The following PHACTR3 variants were observed in gnomAD, a reference collection of about 807,000 sequenced individuals.
PHACTR3 encodes the protein protein phosphatase 1, regulatory subunit 123.
In PHACTR3, 16 loss-of-function variants were observed where a neutral mutation model predicts 66.8. That is an observed-to-expected ratio of 0.24 (90% CI 0.16 to 0.36). PHACTR3 has a LOEUF of 0.36. PHACTR3 is among the 10% of genes least tolerant of loss of function. The pLI is 1.00. For synonymous variants in PHACTR3, 323 were observed against 292.1 expected, an observed-to-expected ratio of 1.11 and a Z score of -1.08; for missense variants, 647 against 719.9, an observed-to-expected ratio of 0.90 and a Z score of 1.16.
At chr20:59,763,773 C>T (rs1316069588) in intron 4 of PHACTR3, among the ~76,000 whole-genome samples, 2 of 152,118 alleles carry the variant, frequency 1.3e-5, no homozygotes, top group Admixed American at 6.5e-5. Flanking sequence ...TGGGACCTGC[C>T]AGAGAGGCTG....
At chr20:59,658,786 A>G (rs1336330009) in intron 1 of PHACTR3, among the ~76,000 whole-genome samples, 1 of 151,870 alleles carries the variant, frequency 6.6e-6, no homozygotes, top group Non-Finnish European at 1.5e-5. Flanking sequence ...TTAAATTTGA[A>G]CCCCTTTGCA....
At chr20:59,720,718 GA>G (rs2146677451) in intron 1 of PHACTR3, among the ~76,000 whole-genome samples, 1 of 152,330 alleles carries the variant, frequency 6.6e-6, no homozygotes, top group East Asian at 1.9e-4. Flanking sequence ...AAGGATTTAA[GA>G]ATCTTGCCAA....
chr20:59,780,757 C>T (rs1421939646), intron 7 of PHACTR3, among the ~76,000 whole-genome samples: 1 of 152,150 alleles, frequency 6.6e-6, no homozygotes, highest in East Asian at 1.9e-4. Context: ...TTGACCACCC[C>T]ACGTGCCTCG....
chr20:59,781,347 T>A (rs1450445953), intron 7 of PHACTR3, among the ~76,000 whole-genome samples: 1 of 152,230 alleles, frequency 6.6e-6, no homozygotes, highest in Admixed American at 6.5e-5. Flanking sequence ...GCACCTGCCA[T>A]GAGCCACCCG....
chr20:59,832,000 G>T (rs1269015231), intron 8 of PHACTR3, among the ~76,000 whole-genome samples: 3 of 152,180 alleles, frequency 2.0e-5, no homozygotes, highest in African/African-American at 7.2e-5. Context: ...ACACTGTGGG[G>T]CAGGGGTGGT....
intron 1 of PHACTR3, among the ~76,000 whole-genome samples, chr20:59,723,060 C>CTCTTCTTTCTT (rs1466366874): frequency 7.5e-4 from 89 of 118,768 alleles, no homozygotes; most frequent in African/African-American, 2.9e-3. Flanking sequence ...TTCTTTCTTT[C>CTCTTCTTTCTT]TCTTTCTTTC....
At chr20:59,765,969 C>T (rs1192542507) in intron 4 of PHACTR3, among the ~76,000 whole-genome samples, 1 of 152,198 alleles carries the variant, frequency 6.6e-6, no homozygotes, top group South Asian at 2.1e-4. Flanking sequence ...GGCCTTAGCA[C>T]TCAAGAGTGT....
chr20:59,814,654 A>G (rs1261934983), intron 8 of PHACTR3, among the ~76,000 whole-genome samples: 2 of 152,052 alleles, frequency 1.3e-5, no homozygotes, highest in African/African-American at 4.8e-5. Flanking sequence ...CTTCTACACT[A>G]TCTTCCCTCC....
At chr20:59,662,787 G>A (rs1321256922) in intron 1 of PHACTR3, among the ~76,000 whole-genome samples, 1 of 152,190 alleles carries the variant, frequency 6.6e-6, no homozygotes, top group African/African-American at 2.4e-5. Context: ...GAAATGGGGA[G>A]TGGGTGAGGG....
chr20:59,617,802 C>T (rs1012785400), intron 1 of PHACTR3, among the ~76,000 whole-genome samples: 45 of 151,622 alleles, frequency 3.0e-4, no homozygotes, highest in African/African-American at 1.1e-3. Flanking sequence ...TCCATCCCTC[C>T]CTCTGTCCTT....
rs374504891 is a variant in PHACTR3, at chr20:59,841,478, G to A, written c.1530G>A (p.Ala510=). The A allele has an allele frequency of 2.9e-5, 47 of 1,613,582 alleles. No individual in the cohort carries two copies. The highest frequency in any genetic ancestry group is 7.7e-5 in the South Asian group (7 of 91,022). The change falls in exon 11 of 13, where the codon GCG becomes GCA. Residue 510 remains alanine (A), a synonymous_variant. Coordinates refer to ENST00000371015, the MANE Select transcript of PHACTR3 (RefSeq NM_080672.5). ...GTGATTACGTGGAAGTAGCAAAAGC[G>A]CAGGACTATGACAGGAGGGCAGACA... The part of the protein sequence containing the change: ...RFSDYVEVAK[A]QDYDRRADKP...
chr20:59,619,815 T>A (rs925058199), intron 1 of PHACTR3, among the ~76,000 whole-genome samples: 3 of 152,216 alleles, frequency 2.0e-5, no homozygotes, highest in Non-Finnish European at 4.4e-5. Flanking sequence ...CCTGGTCACC[T>A]GGCTACCCTG....
intron 9 of PHACTR3, among the ~76,000 whole-genome samples, chr20:59,838,321 C>T (rs1568873224): frequency 1.3e-5 from 2 of 152,168 alleles, no homozygotes; most frequent in Non-Finnish European, 2.9e-5. Context: ...TTCAAGCACT[C>T]ATACTGTATT....
chr20:59,763,415 A>G (rs892926323), intron 4 of PHACTR3, among the ~76,000 whole-genome samples: 1 of 152,236 alleles, frequency 6.6e-6, no homozygotes, highest in Non-Finnish European at 1.5e-5. Context: ...GATTAGTGCC[A>G]TGTCCACAGC....
At chr20:59,617,479 C>T (rs1467222145) in intron 1 of PHACTR3, among the ~76,000 whole-genome samples, 1 of 152,116 alleles carries the variant, frequency 6.6e-6, no homozygotes. Context: ...TAACTAATAA[C>T]AATTTATTCC....
intron 3 of PHACTR3, among the ~76,000 whole-genome samples, 182 bp from the exon 4 acceptor site, chr20:59,755,000 G>A (rs1041097141): frequency 6.6e-6 from 1 of 152,172 alleles, no homozygotes; most frequent in African/African-American, 2.4e-5. Flanking sequence ...GTGCTGAGGT[G>A]CCCAGGGCTC....
At chr20:59,718,526 C>T (rs1716249364) in intron 1 of PHACTR3, among the ~76,000 whole-genome samples, 1 of 150,884 alleles carries the variant, frequency 6.6e-6, no homozygotes, top group African/African-American at 2.4e-5. Context: ...AAGAGACATG[C>T]AGGTACAGCA....
chr20:59,655,873 T>G (rs781277848), intron 1 of PHACTR3, among the ~76,000 whole-genome samples: 4 of 151,966 alleles, frequency 2.6e-5, no homozygotes, highest in Non-Finnish European at 4.4e-5. Flanking sequence ...AAGTACTTTC[T>G]AATCTCACTC....
At position 59,813,494 on chromosome 20, in the gene PHACTR3, C is replaced by T. The variant is rs77703610; in HGVS notation, c.1328+7300C>T. Reference sequence around the variant, plus strand: ...TCTTGGGGTGCTTACCCCCCAATTACAGAGATTTCGAATTCATGTAGCGTG... The same window carrying T: ...TCTTGGGGTGCTTACCCCCCAATTATAGAGATTTCGAATTCATGTAGCGTG... On this transcript the variant is annotated intron_variant, in intron 8 of 12. Coordinates refer to ENST00000371015, the MANE Select transcript of PHACTR3 (RefSeq NM_080672.5). Among the ~76,000 whole-genome samples the T allele has an allele frequency of 2.0e-5, 3 of 152,194 alleles. No individual in the cohort carries two copies. The East Asian group carries it at 5.8e-4, about 29-fold the overall frequency.
Sources: gnomAD v4.1 joint callset for allele counts (sites outside exome capture counted in the v4.1 genomes callset) on GRCh38, gnomAD v4.1.1 for gene constraint, MANE v1.5 for transcripts, NCBI Gene and HGNC (gene_info 2026-07-23, HGNC 2026-07-21) for gene names.